The following NCAPD2 variants were observed in gnomAD, a reference collection of about 807,000 sequenced individuals.
NCAPD2 encodes non-SMC condensin I complex subunit D2.
Under a neutral mutation model 164.5 loss-of-function variants are expected in NCAPD2, and 100 were observed. The ratio of observed to expected loss-of-function variants is 0.61; its 90% CI spans 0.52 to 0.72. The LOEUF (loss-of-function observed/expected upper bound fraction) is 0.72. Among genes scored for constraint, NCAPD2 ranks in the 30% least tolerant of loss-of-function variants. The probability of loss-of-function intolerance (pLI) is 0.00; values close to 1 mark genes in which losing one functional copy is unlikely to be tolerated. For missense variants in NCAPD2, 1,560 were observed against 1,749.2 expected, an observed-to-expected ratio of 0.89 and a Z score of 1.93; for synonymous variants, 585 against 642.6, an observed-to-expected ratio of 0.91 and a Z score of 1.36.
chr12:6,526,097 T>C lies in NCAPD2; in HGVS notation c.2378T>C (p.Leu793Ser). 2 of 1,614,096 alleles carry C rather than the reference T, an allele frequency of 1.2e-6. No homozygotes were observed. The highest frequency in any genetic ancestry group is 1.7e-6 in the Non-Finnish European group (2 of 1,180,022). ...RGKPEIVGSN[L>S]DTLVSIGLDE... ...AAGCCAGAAATTGTGGGAAGCAATT[T>C]AGACACACTGGTGAGCATAGGGCTG... Residue 793 changes from leucine to serine, a missense_variant, in exon 19 of 32, where the codon TTA becomes TCA. Physicochemically the swap from Leu to Ser is moderately radical, Grantham distance 145. Coordinates refer to ENST00000315579, the MANE Select transcript of NCAPD2 (RefSeq NM_014865.4).
Position 6,531,197 on chromosome 12 carries a change from G to C in NCAPD2, c.4120+121G>C. On this transcript the variant is annotated intron_variant, in intron 31 of 31. Transcript: ENST00000315579. This position sits in a 1 kb window ranked among gnomAD's most constrained non-coding sequence, Gnocchi z 4.1. ...ATGCTCTGCCCCACTGCCGCAGAAG[G>C]GCCTCTCCTGTACAGCTTGGATTTT... The C allele has an allele frequency of 6.7e-7, 1 of 1,488,252 alleles. No individual in the cohort carries two copies. Among genetic ancestry groups the C allele is most frequent in the South Asian group, 1.2e-5 (1 of 82,772 alleles). The allele number at this position is 1,488,252 out of a possible 1,614,324, so 92.2% of individuals were successfully genotyped here.
At chr12:6,529,128 C>A in intron 27 of NCAPD2, 89 bp downstream of exon 27, 1 of 1,211,778 alleles carries the variant, frequency 8.3e-7, no homozygotes, top group Non-Finnish European at 1.2e-6. Flanking sequence ...ACCTCGGCTA[C>A]TCTTTAGCTG....
At chr12:6,526,689 C>T (rs1259998875) in intron 21 of NCAPD2, 74 bp downstream of exon 21, 30 of 1,547,554 alleles carry the variant, frequency 1.9e-5, no homozygotes, top group African/African-American at 2.7e-5. Flanking sequence ...CCACTGCCAC[C>T]ACCACTATCT....
At chr12:6,504,214 TATAGATATAG>T (rs1946075762) in intron 2 of NCAPD2, among the ~76,000 whole-genome samples, 10 of 21,160 alleles carry the variant, frequency 4.7e-4, no homozygotes, top group African/African-American at 3.6e-3. Context: ...TATATATATA[TATAGATATAG>T]ATATATATAT....
In NCAPD2 at chr12:6,531,837, A is replaced by G; in HGVS notation, c.*425A>G. ...AAAAAAAATGCCTACACGCTCTTTA[A>G]AATGCAAGGCTTTCTCTTAAATTAG... On this transcript the variant is annotated 3_prime_UTR_variant, in exon 32 of 32. Transcript: ENST00000315579. This position sits in a 1 kb window ranked among gnomAD's most constrained non-coding sequence, Gnocchi z 4.1. 4.7e-6 allele frequency: 1 copy of G among 213,016 alleles called. No individual in the cohort carries two copies. The highest frequency in any genetic ancestry group is 9.7e-6 in the Non-Finnish European group (1 of 103,358). The allele number at this position is 213,016 out of a possible 1,614,324, so 13.2% of individuals were successfully genotyped here.
At position 6,514,659 on chromosome 12, in the gene NCAPD2, A is replaced by G. The variant is rs372441034; in HGVS notation, c.839+72A>G. 7.4e-6 allele frequency: 12 copies of G among 1,611,380 alleles called. No homozygotes were observed. In the East Asian group the frequency reaches 2.2e-4, roughly 30 times the overall value. ...GGGAATAAAGAAAGATTGGAAATACATTATCTGTGCAACAGTAGATTCCTT... is the reference window on the plus strand; with the variant it reads ...GGGAATAAAGAAAGATTGGAAATACGTTATCTGTGCAACAGTAGATTCCTT... On this transcript the variant is annotated intron_variant, in intron 8 of 31. Coordinates refer to ENST00000315579, the MANE Select transcript of NCAPD2 (RefSeq NM_014865.4).
At chr12:6,525,496 A>G (rs573621000) in intron 17 of NCAPD2, 87 bp from the exon 18 acceptor site, 1 of 1,472,442 alleles carries the variant, frequency 6.8e-7, no homozygotes, top group East Asian at 2.3e-5. Context: ...TGTCTACTTC[A>G]GGTTCGCAAT....
intron 18 of NCAPD2, 38 bp from the exon 19 acceptor site, chr12:6,526,030 C>A: frequency 6.2e-7 from 1 of 1,608,936 alleles, no homozygotes; most frequent in Non-Finnish European, 8.5e-7. Flanking sequence ...TGAGTCCAAT[C>A]CATGACTGCC....
chr12:6,513,088 T>C (rs528504703), intron 6 of NCAPD2, among the ~76,000 whole-genome samples: 2 of 152,288 alleles, frequency 1.3e-5, no homozygotes, highest in South Asian at 4.1e-4. Context: ...GGACGTTGAA[T>C]ATATAGATCT....
chr12:6,531,158 G>C lies in NCAPD2; in HGVS notation c.4120+82G>C, dbSNP rs910294014. 31 of 1,569,832 alleles carry C rather than the reference G, an allele frequency of 2.0e-5. No individual in the cohort carries two copies. The Admixed American group carries it at 5.0e-4, about 25-fold the overall frequency. On this transcript the variant is annotated intron_variant, in intron 31 of 31. Coordinates refer to ENST00000315579, the MANE Select transcript of NCAPD2 (RefSeq NM_014865.4). The surrounding 1 kb of genome is among the most constrained non-coding windows in gnomAD (Gnocchi z 4.1). ...CTGGTTTCCATAGGACCTGCTGCGG[G>C]GGCCTGAGTGTAGATGCTCTGCCCC...
chr12:6,518,511 T>TTTTTTTTG (rs1565544139), intron 13 of NCAPD2, among the ~76,000 whole-genome samples: 5 of 99,856 alleles, frequency 5.0e-5, no homozygotes, highest in Admixed American at 1.0e-4. Flanking sequence ...CAAGTTTTTT[T>TTTTTTTTG]TTTTTTTTTT....
At chr12:6,530,028 A>G in intron 29 of NCAPD2, 70 bp downstream of exon 29, 3 of 1,519,302 alleles carry the variant, frequency 2.0e-6, no homozygotes, top group Non-Finnish European at 2.7e-6. Context: ...GGCCCTGGGC[A>G]GCATACGGCT....
intron 2 of NCAPD2, among the ~76,000 whole-genome samples, chr12:6,503,890 A>T (rs988926153): frequency 5.9e-5 from 9 of 151,850 alleles, no homozygotes; most frequent in Non-Finnish European, 8.8e-5. Flanking sequence ...GAGGCACTGA[A>T]TTGCTTGAAC....
intron 16 of NCAPD2, 115 bp downstream of exon 16, chr12:6,523,117 C>T: frequency 6.9e-7 from 1 of 1,459,702 alleles, no homozygotes; most frequent in Non-Finnish European, 9.5e-7. Flanking sequence ...GATCCATAGG[C>T]AGTCCATCAT....
chr12:6,520,492 G>A lies in NCAPD2; in HGVS notation c.1590-494G>A, dbSNP rs149982051. The stretch of plus-strand genomic sequence containing the variant: ...CCCACAGGCACACACCATCACACCC[G>A]GCTAACTTTTTTTACTTTTTGTATA... On this transcript the variant is annotated intron_variant, in intron 13 of 31. Transcript: ENST00000315579. Among the ~76,000 whole-genome samples, 1,206 of 151,632 alleles carry A rather than the reference G, an allele frequency of 8.0e-3. 8 individuals carry two copies. The highest frequency in any genetic ancestry group is 0.02 in the South Asian group (95 of 4,788).
rs939436473 is a variant in NCAPD2 at position 6,495,077 on chromosome 12, C to T, written c.-22C>T. ...ACTTTTTCACTGTTTGGTTTCTAGCCCTGTGAGCCTGTAGGAGTAGAATGG... is the reference window on the plus strand; with the variant it reads ...ACTTTTTCACTGTTTGGTTTCTAGCTCTGTGAGCCTGTAGGAGTAGAATGG... On this transcript the variant is annotated splice_region_variant and 5_prime_UTR_variant, in exon 2 of 32. Coordinates refer to ENST00000315579, the MANE Select transcript of NCAPD2 (RefSeq NM_014865.4). 2 of 1,613,682 alleles carry T rather than the reference C, an allele frequency of 1.2e-6. No individual in the cohort carries two copies. Among genetic ancestry groups the T allele is most frequent in the Non-Finnish European group, 1.7e-6 (2 of 1,179,786 alleles).
chr12:6,510,466 G>T (rs367819855), intron 4 of NCAPD2, 163 bp from the exon 5 acceptor site: 40 of 849,850 alleles, frequency 4.7e-5, no homozygotes, highest in Non-Finnish European at 7.5e-5. Context: ...GCATGTTCAG[G>T]GTATCAGGGC....
At chr12:6,525,767 T>C (rs751315603) in intron 18 of NCAPD2, 51 bp downstream of exon 18, 3 of 1,594,328 alleles carry the variant, frequency 1.9e-6, no homozygotes, top group East Asian at 4.5e-5. Context: ...AGGAAGGTTC[T>C]GAGAGGGCTC....
At chr12:6,498,002 G>A (rs7310452) in intron 2 of NCAPD2, among the ~76,000 whole-genome samples, 1 of 151,076 alleles carries the variant, frequency 6.6e-6, no homozygotes, top group Non-Finnish European at 1.5e-5. Flanking sequence ...GGCTCCATCC[G>A]AGCTCACTGC....
Sources: gnomAD v4.1 joint callset for allele counts (sites outside exome capture counted in the v4.1 genomes callset) on GRCh38, gnomAD v4.1.1 for gene constraint, Gnocchi (gnomAD v3.1) non-coding constraint, MANE v1.5 for transcripts, NCBI Gene and HGNC (gene_info 2026-07-23, HGNC 2026-07-21) for gene names.